The following AGBL1 variants were observed in gnomAD, a reference collection of about 807,000 sequenced individuals.
AGBL1 encodes the protein cytosolic carboxypeptidase 4.
A neutral mutation model predicts 118.9 loss-of-function variants in AGBL1; 130 were observed. The observed-to-expected ratio is 1.09, with a 90% CI of 0.95 to 1.26. The LOEUF (loss-of-function observed/expected upper bound fraction) is 1.26. Among genes scored for constraint, AGBL1 ranks in the 50% most tolerant of loss-of-function variants. The pLI is 0.00. For synonymous variants in AGBL1, 555 were observed against 478.9 expected, an observed-to-expected ratio of 1.16 and a Z score of -2.08; for missense variants, 1,584 against 1,298.1, an observed-to-expected ratio of 1.22 and a Z score of -3.38.
intron 17 of AGBL1, among the ~76,000 whole-genome samples, chr15:86,361,883 T>C (rs2080811093): frequency 6.6e-6 from 1 of 152,136 alleles, no homozygotes; most frequent in Admixed American, 6.5e-5. Context: ...TGCATCTTTT[T>C]AAAAAAATTC....
In AGBL1 at chr15:86,223,819, T is replaced by A. The variant is rs74025026; in HGVS notation, c.489-1095T>A. Among the ~76,000 whole-genome samples the A allele has an allele frequency of 9.9e-3, 1,508 of 152,334 alleles. 23 individuals are homozygous for A. Among genetic ancestry groups the A allele is most frequent in the African/African-American group, 0.035 (1,449 of 41,576 alleles). On this transcript the variant is annotated intron_variant, in intron 5 of 22. Coordinates refer to ENST00000614907, the MANE Select transcript of AGBL1 (RefSeq NM_001386094.1). ...CTACTGTATTTTACTTTATATTTATTCTTTCATTTATCTTCCTTTTTACTG... is the reference window on the plus strand; with the variant it reads ...CTACTGTATTTTACTTTATATTTATACTTTCATTTATCTTCCTTTTTACTG...
At chr15:86,121,564 G>C (rs1898096682) in intron 1 of AGBL1, among the ~76,000 whole-genome samples, 1 of 152,208 alleles carries the variant, frequency 6.6e-6, no homozygotes, top group Non-Finnish European at 1.5e-5. Context: ...TTCTTCATTT[G>C]CAAGTTGTAG....
intron 22 of AGBL1, among the ~76,000 whole-genome samples, chr15:86,766,289 T>C (rs573692506): frequency 6.6e-6 from 1 of 151,950 alleles, no homozygotes; most frequent in Non-Finnish European, 1.5e-5. Context: ...ATTTTATGTT[T>C]AATGCAATTT....
chr15:87,020,482 G>A (rs527528865), intron 24 of AGBL1, among the ~76,000 whole-genome samples: 61 of 152,168 alleles, frequency 4.0e-4, no homozygotes, highest in African/African-American at 1.3e-3. Context: ...ATTCAACACA[G>A]TATTGGATGT....
At chr15:86,549,102 C>A (rs957655179) in intron 20 of AGBL1, among the ~76,000 whole-genome samples, 4 of 152,082 alleles carry the variant, frequency 2.6e-5, no homozygotes, top group Admixed American at 6.6e-5. Context: ...ATCCAGTCAC[C>A]TCCTACCAGG....
At chr15:86,116,780 G>T (rs62012435) in intron 1 of AGBL1, 8,658 of 152,092 alleles carry the variant, frequency 0.057, 381 homozygotes, top group South Asian at 0.14. Flanking sequence ...ATTCTATTGG[G>T]TTCTCTAGGT....
chr15:86,326,680 T>C (rs1487528019), intron 17 of AGBL1, among the ~76,000 whole-genome samples: 2 of 152,206 alleles, frequency 1.3e-5, no homozygotes, highest in Non-Finnish European at 2.9e-5. Context: ...TTGCTTGTTG[T>C]TGTTAATTTT....
In AGBL1 at chr15:86,850,936, C is replaced by T. The variant is rs1362150625; in HGVS notation, c.3159-56151C>T. Among the ~76,000 whole-genome samples the T allele has an allele frequency of 2.0e-5, 3 of 152,036 alleles. No individual in the cohort carries two copies. The South Asian group carries it at 6.2e-4, about 32-fold the overall frequency. On this transcript the variant is annotated intron_variant, in intron 22 of 22. Coordinates refer to ENST00000614907, the MANE Select transcript of AGBL1 (RefSeq NM_001386094.1). ...AAGCATAATATTTTATTAATTATTG[C>T]CATGCCCATTTTATTGATAAAGAAA...
chr15:86,273,245 C>T (rs2079190521), intron 15 of AGBL1, among the ~76,000 whole-genome samples: 1 of 152,202 alleles, frequency 6.6e-6, no homozygotes. Context: ...TTCAAAAGCA[C>T]AGCCTTGACC....
intron 17 of AGBL1, among the ~76,000 whole-genome samples, chr15:86,332,778 C>T (rs2080294987): frequency 1.3e-5 from 2 of 151,966 alleles, no homozygotes. Context: ...ACAGAGTATA[C>T]TCCAAGATCG....
intron 17 of AGBL1, among the ~76,000 whole-genome samples, chr15:86,358,426 C>T (rs1398264797): frequency 6.6e-6 from 1 of 151,864 alleles, no homozygotes; most frequent in Non-Finnish European, 1.5e-5. Context: ...TTCCATTTTT[C>T]TGTAGATGAA....
At chr15:86,960,329 T>C (rs1247320066) in intron 23 of AGBL1, among the ~76,000 whole-genome samples, 3 of 152,062 alleles carry the variant, frequency 2.0e-5, no homozygotes, top group Non-Finnish European at 4.4e-5. Flanking sequence ...TATGCTCATA[T>C]CTATAAACTA....
chr15:86,835,098 C>T (rs1164700594), intron 22 of AGBL1, among the ~76,000 whole-genome samples: 4 of 152,058 alleles, frequency 2.6e-5, no homozygotes, highest in Admixed American at 6.6e-5. Flanking sequence ...CCTAGTATTA[C>T]ATTTAAGGGT....
chr15:86,516,788 C>T lies in AGBL1; in HGVS notation c.2556-6022C>T, dbSNP rs553489794. Among the ~76,000 whole-genome samples the T allele has an allele frequency of 4.8e-4, 55 of 115,522 alleles. 1 individual carries two copies. Among genetic ancestry groups the T allele is most frequent in the Middle Eastern group, 4.2e-3 (1 of 240 alleles). 75.8% of individuals were successfully genotyped at this position (115,522 alleles called of 152,430 possible). On this transcript the variant is annotated intron_variant, in intron 18 of 22. Coordinates refer to ENST00000614907, the MANE Select transcript of AGBL1 (RefSeq NM_001386094.1). ...AGCCTGGTTGACAAGAGTGAAACTC[C>T]ATCTCAAAAAAAAAAAAAAAAAAAA...
chr15:87,019,008 A>AT (rs944617228), intron 24 of AGBL1, among the ~76,000 whole-genome samples: 27 of 147,376 alleles, frequency 1.8e-4, no homozygotes, highest in African/African-American at 7.3e-4. Context: ...ACCAACAAAG[A>AT]TAAAAAAAAA....
intron 1 of AGBL1, among the ~76,000 whole-genome samples, chr15:86,120,756 T>C (rs4887293): frequency 0.065 from 9,965 of 152,284 alleles, 442 homozygotes; most frequent in South Asian, 0.11. Context: ...GACAAGAGTA[T>C]TAATTTCTCT....
At chr15:86,603,472 G>T (rs1232550574) in intron 21 of AGBL1, among the ~76,000 whole-genome samples, 4 of 151,836 alleles carry the variant, frequency 2.6e-5, no homozygotes. Context: ...TTGGCTAAAG[G>T]TTAGTGCAAT....
At chr15:86,224,392 C>G (rs890372513) in intron 5 of AGBL1, among the ~76,000 whole-genome samples, 2 of 152,116 alleles carry the variant, frequency 1.3e-5, no homozygotes, top group African/African-American at 2.4e-5. Flanking sequence ...CCCAACATAA[C>G]TATTTTCCAC....
chr15:86,097,444 A>T (rs1390305443), intron 1 of AGBL1, among the ~76,000 whole-genome samples: 1 of 151,238 alleles, frequency 6.6e-6, no homozygotes, highest in Non-Finnish European at 1.5e-5. Context: ...ATATTAATCA[A>T]CCTCTCTTTA....
Sources: allele counts gnomAD v4.1 joint callset (sites outside exome capture counted in the v4.1 genomes callset), GRCh38; gene constraint gnomAD v4.1.1; transcripts MANE v1.5; gene names NCBI Gene and HGNC (gene_info 2026-07-23, HGNC 2026-07-21).